The following CLUH variants were observed in gnomAD, a reference collection of about 807,000 sequenced individuals.
The protein encoded by CLUH is CLUH binding protein of NUMT mRNA.
A neutral mutation model predicts 139.3 loss-of-function variants in CLUH; 77 were observed. The observed-to-expected ratio is 0.55, with a 90% CI of 0.46 to 0.67. The LOEUF is 0.67. Ranked by LOEUF, CLUH falls within the 30% of genes least tolerant of loss-of-function variation. The pLI is 0.00. For synonymous variants in CLUH, 999 were observed against 801.6 expected (o/e 1.25, Z -4.16); for missense variants, 1,876 against 1,875.8 (o/e 1.00, Z 0.00).
At chr17:2,695,668 G>T in intron 13 of CLUH, 142 bp from the exon 14 acceptor site, 4 of 1,152,872 alleles carry the variant, frequency 3.5e-6, no homozygotes, top group Middle Eastern at 2.9e-4. Flanking sequence ...GTCAGAATGT[G>T]CCCAGCCTCT....
intron 10 of CLUH, among the ~76,000 whole-genome samples, 180 bp from the exon 11 acceptor site, chr17:2,697,122 G>A (rs1207866604): frequency 1.3e-5 from 2 of 152,236 alleles, no homozygotes; most frequent in South Asian, 2.1e-4. Flanking sequence ...AAAGGCGGCC[G>A]GGCGTGGTGG....
Position 2,692,414 on chromosome 17 carries a change from C to A in CLUH, c.3507G>T (p.Ala1169=). The A allele has an allele frequency of 1.3e-6, 2 of 1,599,018 alleles. No individual in the cohort carries two copies. The highest frequency in any genetic ancestry group is 1.7e-6 in the Non-Finnish European group (2 of 1,179,172). Residue 1169 remains alanine (A), a synonymous_variant, in exon 22 of 26, where the codon GCG becomes GCT. Transcript: ENST00000651024. The stretch of plus-strand genomic sequence containing the variant: ...CGTGGTACTTGGTGCTGACGGCCAG[C>A]GCGTTCTCCAGGAAGCGCAGCGACA... ...YDLSLRFLEN[A]LAVSTKYHGP... is the part of the protein sequence containing the mutation.
intron 22 of CLUH, 126 bp from the exon 23 acceptor site, chr17:2,692,223 A>G: frequency 6.9e-7 from 1 of 1,443,150 alleles, no homozygotes; most frequent in Non-Finnish European, 9.3e-7. Flanking sequence ...CAGCAAGTCC[A>G]GGGCTCAGGG....
chr17:2,694,404 A>G, intron 17 of CLUH, 76 bp downstream of exon 17: 2 of 1,529,476 alleles, frequency 1.3e-6, no homozygotes, highest in South Asian at 1.2e-5. Flanking sequence ...GGCCCTGGCC[A>G]GGAGTGGGAG....
chr17:2,703,422 C>A lies in CLUH; in HGVS notation c.371G>T (p.Arg124Leu). 1 of 1,613,570 alleles carries A rather than the reference C, an allele frequency of 6.2e-7. No individual in the cohort carries two copies. Among genetic ancestry groups the A allele is most frequent in the African/African-American group, 1.3e-5 (1 of 75,028 alleles). Residue 124 changes from arginine (R) to leucine (L), a missense_variant, in exon 3 of 26, where the codon CGC becomes CTC. Physicochemically the swap from Arg to Leu is moderately radical, Grantham distance 102. Around this residue, in one of 3 missense-constraint regions of CLUH, gnomAD observed 270 missense variants for 354.7 expected, o/e 0.76. Transcript: ENST00000651024. This position sits in a 1 kb window ranked among gnomAD's most constrained non-coding sequence, Gnocchi z 4.2. ...ATCCAGGTGCAGTGAGAAGCAGGTG[C>A]GGTGACACGTGTCCTCCCGGTCCAT... ...VLMDREDTCH[R>L]TCFSLHLDGN...
rs2070284451 is a variant in CLUH at position 2,704,336 on chromosome 17, C to G, written c.303+26G>C. ...CCTCCCCAGCAGGCTCAGGCCTGGC[C>G]CCCAGCACCCGTTCCTCCATCTTAC... On this transcript the variant is annotated intron_variant, in intron 2 of 25. Coordinates refer to ENST00000651024, the MANE Select transcript of CLUH (RefSeq NM_001366661.1). This position sits in a 1 kb window ranked among gnomAD's most constrained non-coding sequence, Gnocchi z 5.7. The G allele has an allele frequency of 6.3e-7, 1 of 1,599,776 alleles. No individual in the cohort carries two copies. The highest frequency in any genetic ancestry group is 1.1e-5 in the South Asian group (1 of 88,712).
In CLUH at chr17:2,692,443, C is replaced by A. The variant is rs1194517607; in HGVS notation, c.3478G>T (p.Asp1160Tyr). Residue 1160 changes from aspartate (D) to tyrosine (Y), a missense_variant, in exon 22 of 26, where the codon GAC becomes TAC. Asp to Tyr is a radical substitution (Grantham distance 160, BLOSUM62 -3). Transcript: ENST00000651024. ...TTCTCCAGGAAGCGCAGCGACAGGT[C>A]GTACTCCATCACCCCGTGCAGCACC... is the stretch of plus-strand genomic sequence containing the variant. Reference protein sequence around the residue: ...GLVLHGVMEYDLSLRFLENAL... With the variant: ...GLVLHGVMEYYLSLRFLENAL... The A allele has an allele frequency of 3.1e-6, 5 of 1,600,466 alleles. No homozygotes were observed. Among genetic ancestry groups the A allele is most frequent in the Non-Finnish European group, 4.2e-6 (5 of 1,179,414 alleles).
rs150536120 is a variant in CLUH, at chr17:2,695,903, G to A, written c.2391+256C>T. ...GCAGCCCCCACTGAGCTCTGGCCCCGTCCCCCAGCCATGCCACCATCCAGG... is the reference window on the plus strand; with the variant it reads ...GCAGCCCCCACTGAGCTCTGGCCCCATCCCCCAGCCATGCCACCATCCAGG... On this transcript the variant is annotated intron_variant, in intron 13 of 25. Transcript: ENST00000651024. 555 of 586,564 alleles carry A rather than the reference G, an allele frequency of 9.5e-4. 1 individual carries two copies. The highest frequency in any genetic ancestry group is 1.5e-3 in the Non-Finnish European group (490 of 330,996). 36.3% of individuals were successfully genotyped at this position (586,564 alleles called of 1,614,324 possible). A position where few individuals can be genotyped will look rare whatever the true frequency, so the allele number is the denominator to read the frequency against.
At position 2,695,273 on chromosome 17, in the gene CLUH, C is replaced by T; in HGVS notation, c.2552G>A (p.Gly851Asp). 6.2e-7 allele frequency: 1 copy of T among 1,613,864 alleles called. No individual in the cohort carries two copies. The highest frequency in any genetic ancestry group is 8.5e-7 in the Non-Finnish European group (1 of 1,179,862). Reference protein sequence around the residue: ...RHQLDHVFKIGIGELITRSAK... With the variant: ...RHQLDHVFKIDIGELITRSAK... ...CGAGCGGGTGATGAGTTCTCCAATG[C>T]CGATTTTCTGGAAGGATTCAGAAGG... is the stretch of plus-strand genomic sequence containing the variant. Residue 851 changes from glycine to aspartate, a missense_variant, in exon 15 of 26, where the codon GGC becomes GAC. Physicochemically the swap from Gly to Asp is moderately conservative, Grantham distance 94. Around this residue, in one of 3 missense-constraint regions of CLUH, gnomAD observed 1,454 missense variants for 1,384.4 expected, o/e 1.05. Transcript: ENST00000651024.
rs2070132922 is a variant in CLUH, at chr17:2,700,393, C to T, written c.1255G>A (p.Ala419Thr). The change falls in exon 9 of 26, where the codon GCC becomes ACC. Residue 419 changes from alanine to threonine, a missense_variant. Physicochemically the swap from Ala to Thr is moderately conservative, Grantham distance 58. Transcript: ENST00000651024. ...GAGGCTGCAGGCACCTTGAATATGG[C>T]CCTTTCTCGGAGCAGCCGCTCAGGC... ...NLPERLLRER[A>T]IFKVHSDFTA... 6.2e-7 allele frequency: 1 copy of T among 1,612,932 alleles called. No individual in the cohort carries two copies. Among genetic ancestry groups the T allele is most frequent in the Non-Finnish European group, 8.5e-7 (1 of 1,179,698 alleles).
In CLUH at chr17:2,696,846, G is replaced by C; in HGVS notation, c.2058C>G (p.Ser686=). ...TPSSLENGGP[S]SLESKSEDPP... The stretch of plus-strand genomic sequence containing the variant: ...GATCCTCAGACTTGGACTCCAAGGA[G>C]GAAGGACCACCATTTTCCAGGGAGG... Residue 686 remains serine (S), a synonymous_variant, in exon 11 of 26, where the codon TCC becomes TCG. Transcript: ENST00000651024. 2 of 1,613,598 alleles carry C rather than the reference G, an allele frequency of 1.2e-6. No individual in the cohort carries two copies. Among genetic ancestry groups the C allele is most frequent in the Non-Finnish European group, 1.7e-6 (2 of 1,179,876 alleles).
At chr17:2,700,600 C>G in intron 8 of CLUH, 78 bp downstream of exon 8, 1 of 1,530,894 alleles carries the variant, frequency 6.5e-7, no homozygotes, top group African/African-American at 1.4e-5. Flanking sequence ...CATGGGGCCT[C>G]CAGGGAAGTG....
Position 2,695,444 on chromosome 17 carries a change from A to T in CLUH, c.2474T>A (p.Met825Lys). The T allele has an allele frequency of 6.2e-7, 1 of 1,612,222 alleles. No homozygotes were observed. The highest frequency in any genetic ancestry group is 8.5e-7 in the Non-Finnish European group (1 of 1,179,750). ...AEVMRQRGINMRYLGKVLELV... is the reference protein window; with the variant it reads ...AEVMRQRGINKRYLGKVLELV... ...CTCCAGCACCTTGCCCAGGTAGCGC[A>T]TGTTGATGCCCCGCTGGCGCATCAC... The change falls in exon 14 of 26, where the codon ATG (methionine) becomes AAG (lysine). Residue 825 changes from methionine to lysine, a missense_variant. By Grantham distance (95) the Met-to-Lys change is moderately conservative. Around this residue, in one of 3 missense-constraint regions of CLUH, gnomAD observed 1,454 missense variants for 1,384.4 expected, o/e 1.05. Transcript: ENST00000651024.
At position 2,693,978 on chromosome 17, in the gene CLUH, G is replaced by A. The variant is rs766837772; in HGVS notation, c.3153C>T (p.Tyr1051=). Residue 1051 remains tyrosine, a synonymous_variant, in exon 19 of 26, where the codon TAC becomes TAT. Coordinates refer to ENST00000651024, the MANE Select transcript of CLUH (RefSeq NM_001366661.1). ...NEALNLFNNV[Y]GAMHVETCAC... ...CGCAGGTCTCCACGTGCATGGCTCC[G>A]TAGACGTTGTTAAACAGGTTCAGGG... 5.5e-5 allele frequency: 89 copies of A among 1,613,746 alleles called. No homozygotes were observed. The highest frequency in any genetic ancestry group is 2.7e-4 in the East Asian group (12 of 44,886).
chr17:2,701,028 A>C, intron 7 of CLUH, 112 bp downstream of exon 7: 1 of 1,562,578 alleles, frequency 6.4e-7, no homozygotes, highest in Non-Finnish European at 8.7e-7. Flanking sequence ...GGACTCCAAC[A>C]CTGGGGGCCC....
At position 2,703,287 on chromosome 17, in the gene CLUH, C is replaced by T. The variant is rs1353081570; in HGVS notation, c.475+31G>A. On this transcript the variant is annotated intron_variant, in intron 3 of 25. Transcript: ENST00000651024. The surrounding 1 kb of genome is among the most constrained non-coding windows in gnomAD (Gnocchi z 4.2). ...CTGCCTCTGCCTCCGTGGGCCCTCC[C>T]CCGGGCAGGCTGTCCAACTTCCAGA... 1.3e-6 allele frequency: 2 copies of T among 1,589,868 alleles called. No homozygotes were observed. The highest frequency in any genetic ancestry group is 2.3e-5 in the East Asian group (1 of 43,478).
chr17:2,709,735 G>A (rs1235099866), intron 1 of CLUH, among the ~76,000 whole-genome samples: 1 of 152,150 alleles, frequency 6.6e-6, no homozygotes, highest in African/African-American at 2.4e-5. Context: ...GGATCTCAGA[G>A]GTCAGAAGCC....
intron 19 of CLUH, 84 bp downstream of exon 19, chr17:2,693,816 C>A (rs1265392388): frequency 6.7e-7 from 1 of 1,496,554 alleles, no homozygotes; most frequent in Admixed American, 2.1e-5. Flanking sequence ...TCCCTGGACT[C>A]CACCCACTCC....
At position 2,704,990 on chromosome 17, in the gene CLUH, T is replaced by TGGGCTGCAGGG. The variant is rs1341263544; in HGVS notation, c.101-437_101-427dup. ...TTCCATCCCTCCTGAGCTGTGGTCC[T>TGGGCTGCAGGG]GGGCTGCAGGGGGGCTGCAGGGGAG... On this transcript the variant is annotated intron_variant, in intron 1 of 25. Coordinates refer to ENST00000651024, the MANE Select transcript of CLUH (RefSeq NM_001366661.1). The surrounding 1 kb of genome is among the most constrained non-coding windows in gnomAD (Gnocchi z 5.7). Among the ~76,000 whole-genome samples, 71 of 152,138 alleles carry TGGGCTGCAGGG rather than the reference T, an allele frequency of 4.7e-4. No homozygotes were observed. Among genetic ancestry groups the TGGGCTGCAGGG allele is most frequent in the Non-Finnish European group, 7.4e-5 (5 of 68,022 alleles).
Sources: gnomAD v4.1 joint callset for allele counts (sites outside exome capture counted in the v4.1 genomes callset) on GRCh38, gnomAD v4.1.1 for gene constraint, gnomAD v4.1.1 regional missense constraint, Gnocchi (gnomAD v3.1) non-coding constraint, MANE v1.5 for transcripts, NCBI Gene and HGNC (gene_info 2026-07-23, HGNC 2026-07-21) for gene names.